Variants in SHISA6 observed in about 807,000 individuals in gnomAD.
SHISA6 encodes protein shisa-6.
SHISA6 carries 22 observed loss-of-function variants against 47.9 expected under a neutral mutation model. The observed-to-expected ratio is 0.46, with a 90% CI of 0.33 to 0.66. The LOEUF (loss-of-function observed/expected upper bound fraction) is 0.66. Ranked by LOEUF, SHISA6 falls within the 30% of genes least tolerant of loss-of-function variation. The probability of loss-of-function intolerance (pLI) is 0.02; values close to 1 mark genes in which losing one functional copy is unlikely to be tolerated. For synonymous variants in SHISA6, 388 were observed against 337.8 expected, an observed-to-expected ratio of 1.15 and a Z score of -1.63; for missense variants, 680 against 764.6, an observed-to-expected ratio of 0.89 and a Z score of 1.30.
At chr17:11,350,182 A>ATTTATTTTATTTTT (rs964679787) in intron 2 of SHISA6, among the ~76,000 whole-genome samples, 1 of 116,240 alleles carries the variant, frequency 8.6e-6, no homozygotes, top group East Asian at 2.7e-4. Context: ...TTATTTATTT[A>ATTTATTTTATTTTT]TTTTTTTTTT....
intron 5 of SHISA6, among the ~76,000 whole-genome samples, chr17:11,556,525 C>T (rs1001249175): frequency 2.6e-5 from 4 of 152,158 alleles, no homozygotes; most frequent in Admixed American, 2.0e-4. Context: ...GGCCTTGGAC[C>T]TTCTCCTCCC....
chr17:11,505,860 G>A (rs948826224), intron 3 of SHISA6, among the ~76,000 whole-genome samples: 1 of 152,202 alleles, frequency 6.6e-6, no homozygotes, highest in South Asian at 2.1e-4. Context: ...CAAAGGTAAT[G>A]CAAGAGGAAA....
chr17:11,411,029 C>G (rs12165020), intron 3 of SHISA6, among the ~76,000 whole-genome samples: 1 of 152,062 alleles, frequency 6.6e-6, no homozygotes, highest in Non-Finnish European at 1.5e-5. Flanking sequence ...AGTGCAGTGG[C>G]GCGATCTTGG....
intron 2 of SHISA6, chr17:11,289,645 A>G (rs902137144): frequency 1.3e-5 from 2 of 151,150 alleles, no homozygotes; most frequent in African/African-American, 4.8e-5. Context: ...AATTAGTACA[A>G]CTTTTAGACT....
chr17:11,354,512 C>G (rs2142223732), intron 2 of SHISA6, among the ~76,000 whole-genome samples: 1 of 152,326 alleles, frequency 6.6e-6, no homozygotes, highest in East Asian at 1.9e-4. Context: ...TCTCCACATT[C>G]TCAGTTGGAG....
chr17:11,556,892 G>A (rs1225670757), intron 5 of SHISA6, among the ~76,000 whole-genome samples: 1 of 152,208 alleles, frequency 6.6e-6, no homozygotes, highest in Non-Finnish European at 1.5e-5. Flanking sequence ...TAACCTGCAA[G>A]TTCAAGTAGG....
intron 3 of SHISA6, among the ~76,000 whole-genome samples, chr17:11,517,583 G>A (rs556817791): frequency 6.6e-6 from 1 of 152,254 alleles, no homozygotes; most frequent in African/African-American, 2.4e-5. Context: ...GCTCAGTGCA[G>A]CCTCAACCTC....
chr17:11,349,562 A>G (rs1263845424), intron 2 of SHISA6, among the ~76,000 whole-genome samples: 1 of 152,166 alleles, frequency 6.6e-6, no homozygotes, highest in Non-Finnish European at 1.5e-5. Context: ...AAATGCCAGG[A>G]CTGTGCCTCC....
chr17:11,554,982 C>T (rs1306678345), intron 4 of SHISA6, among the ~76,000 whole-genome samples: 1 of 152,128 alleles, frequency 6.6e-6, no homozygotes, highest in African/African-American at 2.4e-5. Context: ...CAATGAACAA[C>T]ACTCCTTTCC....
intron 2 of SHISA6, among the ~76,000 whole-genome samples, chr17:11,277,266 TCTCTCTCTCTCTCTCA>T (rs1166739133): frequency 7.1e-4 from 78 of 109,724 alleles, no homozygotes; most frequent in Middle Eastern, 4.3e-3. Flanking sequence ...TCTCTCTCTC[TCTCTCTCTCTCTCTCA>T]CACACACACA....
chr17:11,326,352 C>G (rs1041076424), intron 2 of SHISA6, among the ~76,000 whole-genome samples: 1 of 152,082 alleles, frequency 6.6e-6, no homozygotes, highest in Admixed American at 6.5e-5. Flanking sequence ...CTCTACTCCC[C>G]TCTAAAGACA....
chr17:11,387,653 G>A (rs1159394452), intron 3 of SHISA6, among the ~76,000 whole-genome samples: 1 of 152,172 alleles, frequency 6.6e-6, no homozygotes, highest in Non-Finnish European at 1.5e-5. Context: ...CTTAGTCCCT[G>A]GAATTGGTGG....
rs76565276 is a variant in SHISA6 at position 11,392,428 on chromosome 17, C to T, written c.895+12919C>T. 2.4e-3 allele frequency among the ~76,000 whole-genome samples: 371 copies of T among 152,202 alleles called. 5 individuals are homozygous for T. In the East Asian group the frequency reaches 0.06, roughly 24 times the overall value. ...CAGGAATAGATTATTGTTGTCCCAT[C>T]GGGGTGAGTTCTTTCTCTCACAGAA... On this transcript the variant is annotated intron_variant, in intron 3 of 5. Coordinates refer to ENST00000441885, the MANE Select transcript of SHISA6 (RefSeq NM_207386.4).
intron 2 of SHISA6, among the ~76,000 whole-genome samples, chr17:11,310,684 T>C (rs1361252026): frequency 2.0e-5 from 3 of 152,164 alleles, no homozygotes; most frequent in Non-Finnish European, 4.4e-5. Flanking sequence ...TTTAAAAAGA[T>C]CACCTCTGGG....
intron 3 of SHISA6, among the ~76,000 whole-genome samples, chr17:11,445,487 A>G (rs1018197870): frequency 1.3e-5 from 2 of 152,236 alleles, no homozygotes; most frequent in Non-Finnish European, 2.9e-5. Context: ...TAGCAATGCA[A>G]CTATATCAGT....
intron 3 of SHISA6, among the ~76,000 whole-genome samples, chr17:11,474,996 A>T (rs1916020089): frequency 6.6e-6 from 1 of 152,048 alleles, no homozygotes; most frequent in Non-Finnish European, 1.5e-5. Context: ...TCCTCCATTT[A>T]TTTATTTCTG....
intron 3 of SHISA6, among the ~76,000 whole-genome samples, chr17:11,406,389 C>T (rs1567597343): frequency 6.6e-6 from 1 of 152,242 alleles, no homozygotes; most frequent in East Asian, 1.9e-4. Flanking sequence ...CTCAGACTGT[C>T]TTAACTCGCC....
chr17:11,352,050 G>A (rs1194582274), intron 2 of SHISA6, among the ~76,000 whole-genome samples: 2 of 152,170 alleles, frequency 1.3e-5, no homozygotes, highest in African/African-American at 4.8e-5. Flanking sequence ...GACAGAACAA[G>A]TGCACAAAAT....
At chr17:11,323,546 C>G (rs1910777910) in intron 2 of SHISA6, among the ~76,000 whole-genome samples, 1 of 152,012 alleles carries the variant, frequency 6.6e-6, no homozygotes, top group Non-Finnish European at 1.5e-5. Context: ...CCCAGCTACT[C>G]AGGAGGCTGA....
Sources: gnomAD v4.1 joint callset for allele counts (sites outside exome capture counted in the v4.1 genomes callset) on GRCh38, gnomAD v4.1.1 for gene constraint, MANE v1.5 for transcripts, NCBI Gene and HGNC (gene_info 2026-07-23, HGNC 2026-07-21) for gene names.